The following ZNF713 variants were observed in gnomAD, a reference collection of about 807,000 sequenced individuals.
The protein encoded by ZNF713 is zinc finger protein 713.
In ZNF713, 21 loss-of-function variants were observed where a neutral mutation model predicts 28.7. The observed-to-expected ratio is 0.73, with a 90% CI of 0.52 to 1.05. The LOEUF (loss-of-function observed/expected upper bound fraction) is 1.05, where lower values mean the gene tolerates loss of function less well. ZNF713 is among the 50% of genes least tolerant of loss of function. The probability of loss-of-function intolerance (pLI) is 0.00; values close to 1 mark genes in which losing one functional copy is unlikely to be tolerated. For missense variants in ZNF713, 458 were observed against 532.4 expected, an observed-to-expected ratio of 0.86 and a Z score of 1.37; for synonymous variants, 167 against 178.0, an observed-to-expected ratio of 0.94 and a Z score of 0.49.
chr7:55,926,605 C>G (rs374018096), intron 6 of ZNF713, among the ~76,000 whole-genome samples: 5 of 152,278 alleles, frequency 3.3e-5, no homozygotes, highest in African/African-American at 1.2e-4. Flanking sequence ...CTGCATGCCT[C>G]ATTGTTATTG....
chr7:55,901,186 A>G (rs1177823524), intron 1 of ZNF713, among the ~76,000 whole-genome samples: 1 of 152,162 alleles, frequency 6.6e-6, no homozygotes, highest in Non-Finnish European at 1.5e-5. Flanking sequence ...GTGGCTGGGG[A>G]GGACTCACAA....
rs1562730825 is a variant in ZNF713, at chr7:55,887,645, G to GC, written c.-618_-617insC. Reference sequence around the variant, plus strand: ...CGGCGGCGGCGGCGGCGGCGTCAGGGGGCGGAGCCTGCCGAAGCGCCCTTT... The same window carrying GC: ...CGGCGGCGGCGGCGGCGGCGTCAGGGCGGCGGAGCCTGCCGAAGCGCCCTTT... On this transcript the variant is annotated 5_prime_UTR_variant, in exon 1 of 7. Coordinates refer to ENST00000429591, the MANE Select transcript of ZNF713 (RefSeq NM_182633.3). 5 of 182,692 alleles carry GC rather than the reference G, an allele frequency of 2.7e-5. No homozygotes were observed. Among genetic ancestry groups the GC allele is most frequent in the African/African-American group, 4.9e-5 (2 of 40,566 alleles). 11.3% of individuals were successfully genotyped at this position (182,692 alleles called of 1,614,324 possible).
Position 55,900,384 on chromosome 7 carries a change from C to CTCAGGAGG in ZNF713, c.-582-5867_-582-5866insAGGAGGTC, listed in dbSNP as rs546052440. 2.9e-3 allele frequency among the ~76,000 whole-genome samples: 436 copies of CTCAGGAGG among 152,068 alleles called. 8 individuals carry two copies. The South Asian group carries it at 0.041, about 14-fold the overall frequency. The stretch of plus-strand genomic sequence containing the variant: ...TCAGAGGGCTGAGGCAGGAGAAGTG[C>CTCAGGAGG]TCGAACCCGGGAGGTGGAAGTTGCA... On this transcript the variant is annotated intron_variant, in intron 1 of 6. Coordinates refer to ENST00000429591, the MANE Select transcript of ZNF713 (RefSeq NM_182633.3).
In ZNF713 at chr7:55,941,943, A is replaced by G. The variant is rs551898520; in HGVS notation, c.*1937A>G. 1 of 152,292 alleles carries G rather than the reference A, an allele frequency of 6.6e-6. No homozygotes were observed. Among genetic ancestry groups the G allele is most frequent in the South Asian group, 2.1e-4 (1 of 4,830 alleles). 9.4% of individuals were successfully genotyped at this position (152,292 alleles called of 1,614,324 possible). A position where few individuals can be genotyped will look rare whatever the true frequency, so the allele number is the denominator to read the frequency against. The stretch of plus-strand genomic sequence containing the variant: ...CCTATTGATGAACTTTGAAATATTG[A>G]TTCAGAGAAGTCTGCTTTTCTATTT... On this transcript the variant is annotated 3_prime_UTR_variant, in exon 7 of 7. Coordinates refer to ENST00000429591, the MANE Select transcript of ZNF713 (RefSeq NM_182633.3).
At chr7:55,905,597 G>A (rs966010927) in intron 1 of ZNF713, among the ~76,000 whole-genome samples, 2 of 151,918 alleles carry the variant, frequency 1.3e-5, no homozygotes, top group Non-Finnish European at 2.9e-5. Context: ...GGATCAGTCT[G>A]AGCTGTTCTG....
chr7:55,933,942 GC>G (rs1247079591), intron 6 of ZNF713, among the ~76,000 whole-genome samples: 5 of 151,844 alleles, frequency 3.3e-5, no homozygotes, highest in Admixed American at 3.3e-4. Context: ...CTGGGCTCAA[GC>G]ATTTGCCCAC....
intron 1 of ZNF713, among the ~76,000 whole-genome samples, chr7:55,892,917 A>G (rs1183910403): frequency 6.6e-6 from 1 of 151,262 alleles, no homozygotes; most frequent in Non-Finnish European, 1.5e-5. Flanking sequence ...AAGGCATACA[A>G]ATTTACCCAG....
intron 4 of ZNF713, among the ~76,000 whole-genome samples, chr7:55,919,658 A>C (rs1275612126): frequency 4.6e-5 from 7 of 151,856 alleles, no homozygotes; most frequent in African/African-American, 1.7e-4. Flanking sequence ...GGCATGTGCC[A>C]CCACACCTGG....
At chr7:55,935,866 A>G (rs1786334821) in intron 6 of ZNF713, among the ~76,000 whole-genome samples, 1 of 151,800 alleles carries the variant, frequency 6.6e-6, no homozygotes, top group African/African-American at 2.4e-5. Context: ...GAGGCAGGAG[A>G]ATGGCGTGAA....
intron 6 of ZNF713, 116 bp downstream of exon 6, chr7:55,923,815 GA>G (rs1786045076): frequency 3.0e-6 from 2 of 661,782 alleles, no homozygotes; most frequent in Non-Finnish European, 5.0e-6. Context: ...TAAGCCTTTT[GA>G]AAAAAATCAG....
chr7:55,905,437 T>C (rs1785661535), intron 1 of ZNF713, among the ~76,000 whole-genome samples: 1 of 152,142 alleles, frequency 6.6e-6, no homozygotes, highest in African/African-American at 2.4e-5. Flanking sequence ...GGCAGTGAGC[T>C]TCACTGGTAT....
At chr7:55,935,917 G>A (rs558282495) in intron 6 of ZNF713, among the ~76,000 whole-genome samples, 2 of 151,358 alleles carry the variant, frequency 1.3e-5, no homozygotes, top group African/African-American at 2.4e-5. Context: ...ATCACGCCAC[G>A]GCACTCCAGC....
chr7:55,888,241 A>T (rs1277420631), intron 1 of ZNF713, among the ~76,000 whole-genome samples: 2 of 151,886 alleles, frequency 1.3e-5, no homozygotes, highest in Non-Finnish European at 2.9e-5. Flanking sequence ...ATTGAGTATG[A>T]TATTTGTGGT....
chr7:55,923,667 T>C lies in ZNF713; in HGVS notation c.275T>C (p.Ile92Thr). The change falls in exon 6 of 7, where the codon ATA becomes ACA. Residue 92 changes from isoleucine to threonine, a missense_variant. Coordinates refer to ENST00000429591, the MANE Select transcript of ZNF713 (RefSeq NM_182633.3). ...AQLELEEEWV[I>T]ERDSLLDTHP... is the part of the protein sequence containing the mutation. ...TTGGAGCTAGAGGAAGAATGGGTGATAGAAAGAGACAGCCTGCTGGATACT... is the reference window on the plus strand; with the variant it reads ...TTGGAGCTAGAGGAAGAATGGGTGACAGAAAGAGACAGCCTGCTGGATACT... The C allele has an allele frequency of 1.2e-6, 2 of 1,612,276 alleles. No individual in the cohort carries two copies. The highest frequency in any genetic ancestry group is 2.2e-5 in the East Asian group (1 of 44,834).
chr7:55,936,806 A>G (rs1338622513), intron 6 of ZNF713, among the ~76,000 whole-genome samples: 2 of 152,096 alleles, frequency 1.3e-5, no homozygotes, highest in Non-Finnish European at 2.9e-5. Context: ...GTAGAGATAT[A>G]TCTATCTAGA....
chr7:55,887,862 G>GGGCGGC lies in ZNF713; in HGVS notation c.-583+203_-583+208dup, dbSNP rs1228586478. On this transcript the variant is annotated intron_variant, in intron 1 of 6. Coordinates refer to ENST00000429591, the MANE Select transcript of ZNF713 (RefSeq NM_182633.3). Reference sequence around the variant, plus strand: ...GCGGGCGGCGGCGGCGGCGGGCGGCGGGCGGCGGCGGCGGCGGCGGCGGCG... The same window carrying GGGCGGC: ...GCGGGCGGCGGCGGCGGCGGGCGGCGGGCGGCGGCGGCGGCGGCGGCGGCGGCGGCG... 3.0e-4 allele frequency among the ~76,000 whole-genome samples: 4 copies of GGGCGGC among 13,388 alleles called. 1 individual carries two copies. Among genetic ancestry groups the GGGCGGC allele is most frequent in the African/African-American group, 5.5e-4 (1 of 1,818 alleles). The allele number at this position is 13,388 out of a possible 152,430, so 8.8% of individuals were successfully genotyped here. A position where few individuals can be genotyped will look rare whatever the true frequency, so the allele number is the denominator to read the frequency against.
intron 1 of ZNF713, among the ~76,000 whole-genome samples, chr7:55,897,534 A>G (rs1156611007): frequency 6.7e-6 from 1 of 150,150 alleles, no homozygotes; most frequent in Non-Finnish European, 1.5e-5. Context: ...TCCCACCTCC[A>G]CCTCCCAAAG....
chr7:55,911,107 G>A (rs1785774570), intron 2 of ZNF713, among the ~76,000 whole-genome samples: 1 of 152,186 alleles, frequency 6.6e-6, no homozygotes, highest in South Asian at 2.1e-4. Flanking sequence ...TGGAATGGCT[G>A]CCTTATCTCA....
intron 1 of ZNF713, among the ~76,000 whole-genome samples, chr7:55,891,361 A>G (rs536373994): frequency 3.3e-5 from 5 of 152,100 alleles, no homozygotes; most frequent in African/African-American, 9.6e-5. Context: ...TGCAGGAACA[A>G]AAGTATAATG....
Sources: allele counts gnomAD v4.1 joint callset (sites outside exome capture counted in the v4.1 genomes callset), GRCh38; gene constraint gnomAD v4.1.1; transcripts MANE v1.5; gene names NCBI Gene and HGNC (gene_info 2026-07-23, HGNC 2026-07-21).